Variants in LPP observed in about 807,000 individuals in gnomAD.
The protein encoded by LPP is LIM domain containing preferred translocation partner in lipoma, also known as lipoma-preferred partner.
In LPP, 38 loss-of-function variants were observed where a neutral mutation model predicts 60.4. The ratio of observed to expected loss-of-function variants is 0.63; its 90% confidence interval spans 0.49 to 0.83. LPP has a LOEUF of 0.83. LPP is among the 40% of genes least tolerant of loss of function. The pLI, the probability that LPP is intolerant of heterozygous loss-of-function variation, is 0.00. For missense variants in LPP, 902 were observed against 783.6 expected (o/e 1.15, Z -1.80); for synonymous variants, 328 against 290.8 (o/e 1.13, Z -1.30).
At chr3:188,441,752 T>C (rs961189615) in intron 4 of LPP, among the ~76,000 whole-genome samples, 1 of 150,808 alleles carries the variant, frequency 6.6e-6, no homozygotes, top group African/African-American at 2.4e-5. Flanking sequence ...TCCTGAGTAG[T>C]TGGTACTACA....
At chr3:188,821,330 C>T (rs1468396972) in intron 9 of LPP, among the ~76,000 whole-genome samples, 1 of 148,478 alleles carries the variant, frequency 6.7e-6, no homozygotes, top group Non-Finnish European at 1.5e-5. Flanking sequence ...TCCTAGATCA[C>T]TCAAATCAGA....
chr3:188,625,063 T>A (rs375990420), intron 7 of LPP, among the ~76,000 whole-genome samples: 1 of 152,170 alleles, frequency 6.6e-6, no homozygotes, highest in Non-Finnish European at 1.5e-5. Context: ...TAAAGACAGA[T>A]GTCTAGTTTT....
At position 188,748,651 on chromosome 3, in the gene LPP, C is replaced by T. The variant is rs1401005077; in HGVS notation, c.1241-11462C>T. Among the ~76,000 whole-genome samples the T allele has an allele frequency of 5.3e-5, 8 of 152,018 alleles. No homozygotes were observed. In the South Asian group the frequency reaches 6.2e-4, roughly 12 times the overall value. ...ACAAAAAATTAGCTGGGCATGGTGA[C>T]GTGCGCCTGTAATCCCAGCTACTCG... On this transcript the variant is annotated intron_variant, in intron 8 of 11. Transcript: ENST00000617246.
intron 8 of LPP, among the ~76,000 whole-genome samples, chr3:188,749,227 T>C (rs924096037): frequency 2.0e-5 from 3 of 152,154 alleles, no homozygotes; most frequent in African/African-American, 7.2e-5. Context: ...AAGAAACTGA[T>C]ACTTGAGGTA....
chr3:188,352,074 C>T lies in LPP; in HGVS notation c.-10+10355C>T, dbSNP rs1295655316. Among the ~76,000 whole-genome samples the T allele has an allele frequency of 6.6e-6, 1 of 152,156 alleles. No homozygotes were observed. The highest frequency in any genetic ancestry group is 1.5e-5 in the Non-Finnish European group (1 of 68,024). ...CCCCCTTGTCATTTTTCTTCTATTA[C>T]TTTTGCTTCTTCCCCTTCCTCCTTC... On this transcript the variant is annotated intron_variant, in intron 3 of 11. Transcript: ENST00000617246. The surrounding 1 kb of genome is among the most constrained non-coding windows in gnomAD (Gnocchi z 4.4).
At chr3:188,156,839 C>G (rs1399572498) in intron 1 of LPP, among the ~76,000 whole-genome samples, 1 of 149,094 alleles carries the variant, frequency 6.7e-6, no homozygotes, top group African/African-American at 2.5e-5. Context: ...TCCATTTCCT[C>G]TGCTGCGCCC....
At chr3:188,785,535 CATATAT>C (rs369062490) in intron 9 of LPP, among the ~76,000 whole-genome samples, 3 of 15,666 alleles carry the variant, frequency 1.9e-4, no homozygotes, top group Admixed American at 8.3e-4. Flanking sequence ...TATATTCCAT[CATATAT>C]ATATATACAC....
chr3:188,623,102 A>AT (rs1462720099), intron 7 of LPP, among the ~76,000 whole-genome samples: 2 of 151,648 alleles, frequency 1.3e-5, no homozygotes, highest in Non-Finnish European at 2.9e-5. Flanking sequence ...CCATGATTGT[A>AT]TGGATGACTA....
intron 7 of LPP, among the ~76,000 whole-genome samples, chr3:188,655,302 A>G (rs2149028101): frequency 6.6e-6 from 1 of 152,252 alleles, no homozygotes; most frequent in Non-Finnish European, 1.5e-5. Context: ...AGCACGTTAA[A>G]AAGTGCCAGA....
chr3:188,702,424 G>A (rs1864660811), intron 7 of LPP, among the ~76,000 whole-genome samples: 2 of 145,866 alleles, frequency 1.4e-5, no homozygotes, highest in Admixed American at 7.0e-5. Flanking sequence ...GCCTTCTTCC[G>A]TCTCAGAACA....
chr3:188,417,871 C>T (rs905402783), intron 4 of LPP, among the ~76,000 whole-genome samples: 1 of 152,182 alleles, frequency 6.6e-6, no homozygotes, highest in African/African-American at 2.4e-5. Context: ...TAGTCAAACA[C>T]ACACGCTTAA....
chr3:188,292,955 A>G (rs949139196), intron 2 of LPP, among the ~76,000 whole-genome samples: 4 of 152,204 alleles, frequency 2.6e-5, no homozygotes, highest in African/African-American at 4.8e-5. Flanking sequence ...ATGGAAGTCT[A>G]TGTACTGTCT....
intron 2 of LPP, among the ~76,000 whole-genome samples, chr3:188,320,514 A>AT (rs1428716842): frequency 1.3e-5 from 2 of 152,210 alleles, no homozygotes; most frequent in East Asian, 3.8e-4. Context: ...AAAGGAGAAC[A>AT]CTTGGGAAAG....
chr3:188,834,635 A>G (rs1757956093), intron 9 of LPP, among the ~76,000 whole-genome samples: 1 of 152,196 alleles, frequency 6.6e-6, no homozygotes, highest in South Asian at 2.1e-4. Flanking sequence ...CGATACAGAT[A>G]ACCTTTTTGT....
At chr3:188,550,815 A>G (rs1000889160) in intron 6 of LPP, among the ~76,000 whole-genome samples, 3 of 152,104 alleles carry the variant, frequency 2.0e-5, no homozygotes, top group Non-Finnish European at 2.9e-5. Context: ...AATGTATTCA[A>G]TGGTATCTGT....
At chr3:188,347,832 T>C (rs1196347947) in intron 3 of LPP, among the ~76,000 whole-genome samples, 2 of 152,216 alleles carry the variant, frequency 1.3e-5, no homozygotes, top group African/African-American at 4.8e-5. Context: ...TCAATGGCAG[T>C]ACCTTCACCT....
At chr3:188,413,168 T>C (rs1375875883) in intron 4 of LPP, among the ~76,000 whole-genome samples, 2 of 152,128 alleles carry the variant, frequency 1.3e-5, no homozygotes, top group East Asian at 1.9e-4. Flanking sequence ...TGTCCACTTA[T>C]GGCATTATAT....
intron 2 of LPP, among the ~76,000 whole-genome samples, chr3:188,271,476 G>A (rs915953069): frequency 3.9e-4 from 59 of 152,186 alleles, no homozygotes; most frequent in African/African-American, 1.3e-3. Flanking sequence ...GTGAGACTGA[G>A]GTGTTGGTTT....
chr3:188,348,457 C>G (rs1764980047), intron 3 of LPP, among the ~76,000 whole-genome samples: 1 of 152,152 alleles, frequency 6.6e-6, no homozygotes, highest in Non-Finnish European at 1.5e-5. Context: ...TGAAACCATA[C>G]CCTTTTAACA....
Sources: gnomAD v4.1 joint callset for allele counts (sites outside exome capture counted in the v4.1 genomes callset) on GRCh38, gnomAD v4.1.1 for gene constraint, Gnocchi (gnomAD v3.1) non-coding constraint, MANE v1.5 for transcripts, NCBI Gene and HGNC (gene_info 2026-07-23, HGNC 2026-07-21) for gene names.